The following ASPRV1 variants were observed in gnomAD, a reference collection of about 807,000 sequenced individuals.
The protein encoded by ASPRV1 is aspartic peptidase retroviral like 1.
In ASPRV1, 7 loss-of-function variants were observed where a neutral mutation model predicts 11.0. The ratio of observed to expected loss-of-function variants is 0.64; its 90% CI spans 0.36 to 1.20. ASPRV1 has a LOEUF of 1.20. ASPRV1 is among the 50% of genes most tolerant of loss of function. The pLI is 0.02. For synonymous variants in ASPRV1, 136 were observed against 138.4 expected (o/e 0.98, Z 0.12); for missense variants, 299 against 320.0 (o/e 0.93, Z 0.50).
At chr2:70,035,152 T>C in the ASPRV1 span, among the ~76,000 whole-genome samples, 1 of 152,114 alleles carries the variant, frequency 6.6e-6, no homozygotes, top group African/African-American at 2.4e-5. Flanking sequence ...ACCTATAAAG[T>C]AGGGGCCCTC....
the ASPRV1 span, among the ~76,000 whole-genome samples, chr2:70,013,608 G>A: frequency 6.6e-6 from 1 of 152,058 alleles, no homozygotes; most frequent in South Asian, 2.1e-4. Context: ...AAAGTATGTT[G>A]GCCTGGTGCA....
At chr2:70,016,689 C>A in the ASPRV1 span, among the ~76,000 whole-genome samples, 1 of 152,024 alleles carries the variant, frequency 6.6e-6, no homozygotes, top group Non-Finnish European at 1.5e-5. Flanking sequence ...ACTGAAAATA[C>A]AAAAACTAGC....
chr2:69,959,365 C>T (rs1474964542), downstream of ASPRV1, among the ~76,000 whole-genome samples: 1 of 152,194 alleles, frequency 6.6e-6, no homozygotes, highest in Non-Finnish European at 1.5e-5. Flanking sequence ...TTGGAACAAA[C>T]TGGCTCTTCT....
chr2:69,983,333 AAAG>A, the ASPRV1 span, among the ~76,000 whole-genome samples: 1 of 152,206 alleles, frequency 6.6e-6, no homozygotes, highest in African/African-American at 2.4e-5. Flanking sequence ...AGCAAAGTAA[AAAG>A]AAGAGCTGGT....
the ASPRV1 span, chr2:69,996,606 T>A: frequency 9.5e-6 from 4 of 422,484 alleles, no homozygotes; most frequent in South Asian, 6.7e-5. Flanking sequence ...GAATGCAACG[T>A]CTTTCATTAC....
chr2:70,068,313 G>A, the ASPRV1 span, among the ~76,000 whole-genome samples: 6 of 152,244 alleles, frequency 3.9e-5, no homozygotes, highest in African/African-American at 1.4e-4. Flanking sequence ...TGGGGCTGAA[G>A]TACAGTCAGG....
the ASPRV1 span, chr2:69,993,784 C>T: frequency 2.6e-5 from 4 of 152,166 alleles, no homozygotes; most frequent in Non-Finnish European, 4.4e-5. Flanking sequence ...ATTGTGTTTC[C>T]ATGTGCTGTT....
At chr2:69,941,610 A>G in the ASPRV1 span, 1 of 152,092 alleles carries the variant, frequency 6.6e-6, no homozygotes, top group African/African-American at 2.4e-5. Context: ...ATTTTCCTTT[A>G]ACCTCTACTT....
chr2:69,996,856 AC>A, the ASPRV1 span: 1 of 386,424 alleles, frequency 2.6e-6, no homozygotes, highest in Non-Finnish European at 5.1e-6. Context: ...AGGGTTAAGC[AC>A]CTCTGTCAAG....
chr2:70,050,342 C>G, the ASPRV1 span: 4 of 151,822 alleles, frequency 2.6e-5, no homozygotes, highest in East Asian at 1.9e-4. Flanking sequence ...CTCTTCATAT[C>G]AAAATAAATA....
the ASPRV1 span, among the ~76,000 whole-genome samples, chr2:69,974,705 C>T: frequency 1.9e-4 from 29 of 152,214 alleles, no homozygotes; most frequent in Non-Finnish European, 3.1e-4. Context: ...TGGAGGGCTT[C>T]GCCATTCACC....
At chr2:70,073,913 C>G in the ASPRV1 span, among the ~76,000 whole-genome samples, 2 of 151,870 alleles carry the variant, frequency 1.3e-5, no homozygotes, top group Non-Finnish European at 2.9e-5. Flanking sequence ...ATGGGCAGAT[C>G]ACGAGGTCAG....
At chr2:70,001,774 T>C in the ASPRV1 span, among the ~76,000 whole-genome samples, 1,749 of 151,946 alleles carry the variant, frequency 0.012, 37 homozygotes, top group African/African-American at 0.04. Flanking sequence ...AAAAGAATAA[T>C]GATAATAATA....
the ASPRV1 span, among the ~76,000 whole-genome samples, chr2:69,984,193 C>A: frequency 6.6e-6 from 1 of 152,130 alleles, no homozygotes; most frequent in Admixed American, 6.6e-5. Context: ...GGTGCACCAC[C>A]ATACCCAGCT....
chr2:69,956,451 G>GGAA (rs112463800), downstream of ASPRV1, among the ~76,000 whole-genome samples: 1,975 of 98,034 alleles, frequency 0.02, 62 homozygotes, highest in Admixed American at 0.026. Flanking sequence ...AAGGAGAAGA[G>GGAA]GAAGAAGAAG....
At chr2:70,025,886 T>C in the ASPRV1 span, among the ~76,000 whole-genome samples, 1 of 152,236 alleles carries the variant, frequency 6.6e-6, no homozygotes, top group African/African-American at 2.4e-5. Flanking sequence ...AATTAAAATA[T>C]GGACCATACC....
chr2:69,982,822 G>A, the ASPRV1 span, among the ~76,000 whole-genome samples: 1 of 152,232 alleles, frequency 6.6e-6, no homozygotes, highest in African/African-American at 2.4e-5. Context: ...GCCCTGAGCA[G>A]ATGGCATCGC....
the ASPRV1 span, chr2:70,031,840 T>G: frequency 6.6e-6 from 1 of 152,334 alleles, no homozygotes; most frequent in African/African-American, 2.4e-5. Context: ...CTTTTACTTA[T>G]GCTTGTTTCA....
chr2:70,033,848 G>A, the ASPRV1 span, among the ~76,000 whole-genome samples: 1 of 152,168 alleles, frequency 6.6e-6, no homozygotes, highest in Admixed American at 6.5e-5. Flanking sequence ...CTGACACTGA[G>A]AATGTGATTA....
Sources: gnomAD v4.1 joint callset for allele counts (sites outside exome capture counted in the v4.1 genomes callset) on GRCh38, gnomAD v4.1.1 for gene constraint, MANE v1.5 for transcripts, NCBI Gene and HGNC (gene_info 2026-07-23, HGNC 2026-07-21) for gene names.